MPDZ: variants seen among roughly 807,000 people sequenced by gnomAD.
MPDZ encodes multiple PDZ domain protein.
A neutral mutation model predicts 239.1 loss-of-function variants in MPDZ; 234 were observed. That is an observed-to-expected ratio of 0.98 (90% CI 0.88 to 1.09). MPDZ has a LOEUF of 1.09. MPDZ is among the 50% of genes least tolerant of loss of function. MPDZ has a pLI of 0.00. For synonymous variants in MPDZ, 1,048 were observed against 881.3 expected, an observed-to-expected ratio of 1.19 and a Z score of -3.35; for missense variants, 3,175 against 2,510.0, an observed-to-expected ratio of 1.26 and a Z score of -5.66.
chr9:13,276,836 G>A (rs1186387774), intron 1 of MPDZ: 2 of 152,148 alleles, frequency 1.3e-5, no homozygotes, highest in Admixed American at 6.5e-5. Flanking sequence ...ACCTCTAAGT[G>A]AGGATAGTTA....
At chr9:13,265,804 G>A (rs1288377820) in intron 1 of MPDZ, among the ~76,000 whole-genome samples, 3 of 152,114 alleles carry the variant, frequency 2.0e-5, no homozygotes, top group Admixed American at 6.5e-5. Context: ...GTGACTGAGT[G>A]GCTCCTCAGG....
chr9:13,173,704 CAA>C (rs1357050642), intron 21 of MPDZ, among the ~76,000 whole-genome samples: 17 of 114,086 alleles, frequency 1.5e-4, no homozygotes, highest in Admixed American at 1.8e-4. Flanking sequence ...AACTCTCTCT[CAA>C]AAAAAAAAAA....
chr9:13,111,982 G>C (rs772249485), intron 43 of MPDZ, 42 bp downstream of exon 43: 1 of 1,604,004 alleles, frequency 6.2e-7, no homozygotes, highest in Non-Finnish European at 8.5e-7. Flanking sequence ...AAACACTTCT[G>C]CACATTTTGC....
chr9:13,149,132 A>G (rs1447294573), intron 25 of MPDZ, among the ~76,000 whole-genome samples: 1 of 152,004 alleles, frequency 6.6e-6, no homozygotes, highest in Non-Finnish European at 1.5e-5. Context: ...CTAAGGTATC[A>G]TCTAATGAAA....
chr9:13,115,393 CT>C, intron 39 of MPDZ, 59 bp from the exon 40 acceptor site: 1 of 1,372,894 alleles, frequency 7.3e-7, no homozygotes, highest in Non-Finnish European at 1.0e-6. Flanking sequence ...CTATAATCAT[CT>C]TTAGGAATAC....
At chr9:13,209,289 C>T (rs1003322093) in intron 10 of MPDZ, among the ~76,000 whole-genome samples, 3 of 152,124 alleles carry the variant, frequency 2.0e-5, no homozygotes, top group African/African-American at 7.2e-5. Context: ...TGTGTGCATA[C>T]AAGCACACAC....
intron 10 of MPDZ, among the ~76,000 whole-genome samples, chr9:13,216,379 T>C (rs1343540217): frequency 6.7e-6 from 1 of 149,574 alleles, no homozygotes; most frequent in African/African-American, 2.5e-5. Context: ...ATCATTCTGC[T>C]GATTAAAAAA....
intron 5 of MPDZ, among the ~76,000 whole-genome samples, chr9:13,223,025 T>C (rs1443294044): frequency 6.6e-6 from 1 of 152,106 alleles, no homozygotes; most frequent in Non-Finnish European, 1.5e-5. Context: ...TACTAATGTT[T>C]ACATAGGATT....
At chr9:13,241,510 C>A (rs1211387191) in intron 3 of MPDZ, among the ~76,000 whole-genome samples, 2 of 152,142 alleles carry the variant, frequency 1.3e-5, no homozygotes, top group African/African-American at 4.8e-5. Flanking sequence ...CTCCCCTTTA[C>A]TGATAGCAAG....
intron 10 of MPDZ, 119 bp from the exon 11 acceptor site, chr9:13,206,218 A>G: frequency 1.1e-6 from 1 of 926,414 alleles, no homozygotes; most frequent in Non-Finnish European, 1.6e-6. Flanking sequence ...ATAAGTATTC[A>G]CCTTATCAGG....
chr9:13,190,902 T>G (rs960525002), intron 15 of MPDZ, among the ~76,000 whole-genome samples: 2 of 152,170 alleles, frequency 1.3e-5, no homozygotes, highest in Admixed American at 1.3e-4. Flanking sequence ...GTTACCCATC[T>G]CATAGAATTT....
In MPDZ at chr9:13,247,720, A is replaced by G; in HGVS notation, c.98T>C (p.Leu33Pro). The G allele has an allele frequency of 6.2e-7, 1 of 1,613,594 alleles. No homozygotes were observed. The highest frequency in any genetic ancestry group is 2.2e-5 in the East Asian group (1 of 44,834). Reference protein sequence around the residue: ...ERGDVANEDKLSLLKSVLQSP... With the variant: ...ERGDVANEDKPSLLKSVLQSP... Reference sequence around the variant, plus strand: ...CTGCAGGACTGACTTCAGAAGGCTCAGTTTGTCTTCATTTGCTACATCCCC... The same window carrying G: ...CTGCAGGACTGACTTCAGAAGGCTCGGTTTGTCTTCATTTGCTACATCCCC... The change falls in exon 3 of 47, where the codon CTG (leucine) becomes CCG (proline). Residue 33 changes from leucine (L) to proline (P), a missense_variant. Physicochemically the swap from Leu to Pro is moderately conservative, Grantham distance 98. Transcript: ENST00000319217.
chr9:13,198,737 C>CTCTCTCTGTGTGTGTGTG (rs755487892), intron 12 of MPDZ, among the ~76,000 whole-genome samples: 802 of 69,618 alleles, frequency 0.012, 20 homozygotes, highest in Middle Eastern at 0.026. Flanking sequence ...ATCTCTCTCT[C>CTCTCTCTGTGTGTGTGTG]TGTGTGTGTG....
chr9:13,121,666 G>A (rs1944368571), intron 38 of MPDZ, 73 bp downstream of exon 38: 2 of 1,485,064 alleles, frequency 1.3e-6, no homozygotes, highest in Non-Finnish European at 1.9e-6. Flanking sequence ...TTCACCTACT[G>A]CTATTACTCT....
rs1300128928 is a variant in MPDZ at position 13,106,446 on chromosome 9, TACTG to T, written c.*515_*518del. On this transcript the variant is annotated 3_prime_UTR_variant, in exon 47 of 47. Transcript: ENST00000319217. ...TATAATACTGTTGAAAATTTTAAAA[TACTG>T]ACAGTATTTTTAAAGATTTTCATTA... The T allele has an allele frequency of 6.6e-6, 1 of 152,170 alleles. No homozygotes were observed. Among genetic ancestry groups the T allele is most frequent in the Non-Finnish European group, 1.5e-5 (1 of 68,038 alleles). The allele number at this position is 152,170 out of a possible 1,614,324, so 9.4% of individuals were successfully genotyped here. A position where few individuals can be genotyped will look rare whatever the true frequency, so the allele number is the denominator to read the frequency against.
At chr9:13,237,388 G>A (rs1964325933) in intron 3 of MPDZ, among the ~76,000 whole-genome samples, 1 of 137,236 alleles carries the variant, frequency 7.3e-6, no homozygotes, top group Non-Finnish European at 1.5e-5. Context: ...AGTGAGCCAT[G>A]AGCATGCCAC....
chr9:13,273,080 GAC>G (rs1266713824), intron 1 of MPDZ, among the ~76,000 whole-genome samples: 5 of 152,056 alleles, frequency 3.3e-5, no homozygotes, highest in Admixed American at 6.6e-5. Context: ...ACCATATGAA[GAC>G]ACAGCAACAC....
chr9:13,181,282 G>A (rs529906441), intron 19 of MPDZ, among the ~76,000 whole-genome samples: 37 of 152,072 alleles, frequency 2.4e-4, no homozygotes, highest in Non-Finnish European at 4.3e-4. Flanking sequence ...CTTTAAGTAC[G>A]CTCACTTTTA....
intron 1 of MPDZ, among the ~76,000 whole-genome samples, chr9:13,278,677 A>T (rs1974814565): frequency 6.6e-6 from 1 of 152,106 alleles, no homozygotes; most frequent in African/African-American, 2.4e-5. Flanking sequence ...TAAGGGAGAG[A>T]CAAGACCAAC....
Sources: gnomAD v4.1 joint callset for allele counts (sites outside exome capture counted in the v4.1 genomes callset) on GRCh38, gnomAD v4.1.1 for gene constraint, MANE v1.5 for transcripts, NCBI Gene and HGNC (gene_info 2026-07-23, HGNC 2026-07-21) for gene names.